Variants in NRXN3 observed in about 807,000 individuals in gnomAD.
NRXN3 encodes the protein neurexin III.
Under a neutral mutation model 137.6 loss-of-function variants are expected in NRXN3, and 32 were observed. The observed-to-expected ratio is 0.23, with a 90% CI of 0.18 to 0.31. The LOEUF (loss-of-function observed/expected upper bound fraction) is 0.31, where lower values mean the gene tolerates loss of function less well. NRXN3 is among the 10% of genes least tolerant of loss of function. The pLI, the probability that NRXN3 is intolerant of heterozygous loss-of-function variation, is 1.00. For missense variants in NRXN3, 1,574 were observed against 2,062.5 expected (o/e 0.76, Z 4.59); for synonymous variants, 798 against 784.5 (o/e 1.02, Z -0.29).
intron 14 of NRXN3, among the ~76,000 whole-genome samples, chr14:78,986,992 C>T (rs1021846718): frequency 1.7e-4 from 22 of 126,932 alleles, no homozygotes; most frequent in Admixed American, 1.4e-3. Context: ...CACTGCACTC[C>T]AGTCTAGCAA....
intron 15 of NRXN3, among the ~76,000 whole-genome samples, chr14:79,010,769 T>A (rs569171318): frequency 2.6e-4 from 39 of 152,330 alleles, no homozygotes; most frequent in Middle Eastern, 3.4e-3. Flanking sequence ...TATTGCCCCT[T>A]TAATAACAGT....
chr14:78,709,822 C>A (rs888310036), intron 7 of NRXN3, 167 bp downstream of exon 7: 1 of 630,488 alleles, frequency 1.6e-6, no homozygotes, highest in Non-Finnish European at 2.7e-6. Context: ...ATACCTGTCT[C>A]ATAGATGGCT....
intron 16 of NRXN3, among the ~76,000 whole-genome samples, chr14:79,591,483 AAC>A (rs1209419276): frequency 1.3e-5 from 2 of 152,232 alleles, no homozygotes; most frequent in Non-Finnish European, 2.9e-5. Context: ...ATTGTCAGAA[AAC>A]ACAGTGAAGC....
At chr14:78,461,761 G>T (rs924254559) in intron 4 of NRXN3, among the ~76,000 whole-genome samples, 1 of 152,304 alleles carries the variant, frequency 6.6e-6, no homozygotes, top group Admixed American at 6.5e-5. Context: ...AGATGTTGGG[G>T]TCACTATAAG....
intron 4 of NRXN3, among the ~76,000 whole-genome samples, chr14:78,368,508 A>G (rs1033411648): frequency 1.3e-5 from 2 of 152,216 alleles, no homozygotes; most frequent in African/African-American, 4.8e-5. Flanking sequence ...CCTGGCCAAC[A>G]TGGTGAAACC....
chr14:79,741,998 T>TA (rs1220385486), intron 19 of NRXN3, among the ~76,000 whole-genome samples: 5 of 152,192 alleles, frequency 3.3e-5, no homozygotes, highest in African/African-American at 1.2e-4. Flanking sequence ...CTTCTAACAA[T>TA]ATCCTTATAC....
intron 15 of NRXN3, among the ~76,000 whole-genome samples, chr14:79,212,643 G>A (rs553081370): frequency 2.1e-4 from 32 of 152,222 alleles, no homozygotes; most frequent in Middle Eastern, 3.4e-3. Flanking sequence ...AAACAGTTAA[G>A]CTGTCTTCCT....
chr14:79,154,282 A>G (rs954213135), intron 15 of NRXN3, among the ~76,000 whole-genome samples: 7 of 151,886 alleles, frequency 4.6e-5, no homozygotes, highest in Non-Finnish European at 1.0e-4. Flanking sequence ...CACATTTTAA[A>G]CACTTGGAGG....
At chr14:78,531,861 G>A (rs939182715) in intron 4 of NRXN3, among the ~76,000 whole-genome samples, 4 of 152,112 alleles carry the variant, frequency 2.6e-5, no homozygotes, top group African/African-American at 9.7e-5. Flanking sequence ...TTTGGGGGAA[G>A]GTTTTATGCT....
chr14:78,886,885 T>C (rs1478917931), intron 10 of NRXN3, among the ~76,000 whole-genome samples: 1 of 152,170 alleles, frequency 6.6e-6, no homozygotes, highest in Non-Finnish European at 1.5e-5. Context: ...GAAAATTCTC[T>C]AAAGTTTTGC....
intron 4 of NRXN3, among the ~76,000 whole-genome samples, chr14:78,593,863 C>T (rs1405171420): frequency 6.6e-6 from 1 of 152,178 alleles, no homozygotes; most frequent in African/African-American, 2.4e-5. Context: ...GCTCAACCCT[C>T]TTGCTGCCCC....
At chr14:78,762,466 C>T (rs890273409) in intron 8 of NRXN3, among the ~76,000 whole-genome samples, 2 of 152,110 alleles carry the variant, frequency 1.3e-5, no homozygotes, top group African/African-American at 4.8e-5. Context: ...GTCTCAGTTT[C>T]CTCACTCATA....
Position 79,409,645 on chromosome 14 carries a change from C to A in NRXN3, c.3263-57576C>A, listed in dbSNP as rs1000170222. ...TATATATATATATATATATATATAT[C>A]CTCAAAATTTTACCTAGAGTAAAAA... On this transcript the variant is annotated intron_variant, in intron 15 of 20. Transcript: ENST00000335750. Among the ~76,000 whole-genome samples, 201 of 93,150 alleles carry A rather than the reference C, an allele frequency of 2.2e-3. 1 individual carries two copies. Among genetic ancestry groups the A allele is most frequent in the Non-Finnish European group, 3.9e-3 (162 of 41,882 alleles). The allele number at this position is 93,150 out of a possible 152,430, so 61.1% of individuals were successfully genotyped here. A position where few individuals can be genotyped will look rare whatever the true frequency, so the allele number is the denominator to read the frequency against.
chr14:79,722,165 G>A (rs977940689), intron 19 of NRXN3, among the ~76,000 whole-genome samples: 1 of 151,820 alleles, frequency 6.6e-6, no homozygotes, highest in Non-Finnish European at 1.5e-5. Context: ...ATTTAACAGC[G>A]GTTAAATACA....
At chr14:79,456,388 T>G (rs1479098858) in intron 15 of NRXN3, among the ~76,000 whole-genome samples, 2 of 152,142 alleles carry the variant, frequency 1.3e-5, no homozygotes, top group Non-Finnish European at 2.9e-5. Flanking sequence ...GAACCCAAAT[T>G]TGAACTAGCT....
intron 19 of NRXN3, among the ~76,000 whole-genome samples, chr14:79,701,267 C>G (rs2098753562): frequency 6.6e-6 from 1 of 152,046 alleles, no homozygotes; most frequent in African/African-American, 2.4e-5. Context: ...TTCTAGTTAA[C>G]TATTTATATG....
At position 79,649,543 on chromosome 14, in the gene NRXN3, G is replaced by A. The variant is rs112868378; in HGVS notation, c.3445-14235G>A. ...TAAGAGAGAAGATATTCTCTAAGCT[G>A]TAGCATGTTTATGAACCTTAAAAAT... On this transcript the variant is annotated intron_variant, in intron 16 of 20. Coordinates refer to ENST00000335750, the MANE Select transcript of NRXN3 (RefSeq NM_001330195.2). 1.7e-4 allele frequency among the ~76,000 whole-genome samples: 25 copies of A among 150,540 alleles called. 1 individual carries two copies. Among genetic ancestry groups the A allele is most frequent in the African/African-American group, 5.8e-4 (24 of 41,120 alleles).
chr14:79,851,982 A>C (rs2099392431), intron 20 of NRXN3, among the ~76,000 whole-genome samples: 1 of 151,912 alleles, frequency 6.6e-6, no homozygotes, highest in Non-Finnish European at 1.5e-5. Context: ...TCTTACAAAA[A>C]AAAAATTGGC....
chr14:79,441,465 C>T (rs1385770397), intron 15 of NRXN3, among the ~76,000 whole-genome samples: 6 of 146,830 alleles, frequency 4.1e-5, no homozygotes, highest in Non-Finnish European at 7.4e-5. Flanking sequence ...CTGCAAGCTC[C>T]GCCTCCCGGG....
Sources: gnomAD v4.1 joint callset for allele counts (sites outside exome capture counted in the v4.1 genomes callset) on GRCh38, gnomAD v4.1.1 for gene constraint, MANE v1.5 for transcripts, NCBI Gene and HGNC (gene_info 2026-07-23, HGNC 2026-07-21) for gene names.